P4HA1: variants seen among roughly 807,000 people sequenced by gnomAD.
P4HA1 encodes prolyl 4-hydroxylase subunit alpha-1.
Under a neutral mutation model 72.8 loss-of-function variants are expected in P4HA1, and 24 were observed. The observed-to-expected ratio is 0.33, with a 90% CI of 0.24 to 0.46. P4HA1 has a LOEUF of 0.46. Among genes scored for constraint, P4HA1 ranks in the 20% least tolerant of loss-of-function variants. The probability of loss-of-function intolerance (pLI) is 1.00; values close to 1 mark genes in which losing one functional copy is unlikely to be tolerated. For missense variants in P4HA1, 446 were observed against 640.6 expected, an observed-to-expected ratio of 0.70 and a Z score of 3.28; for synonymous variants, 201 against 218.8, an observed-to-expected ratio of 0.92 and a Z score of 0.72.
chr10:73,038,503 T>G (rs1840652955), intron 9 of P4HA1, among the ~76,000 whole-genome samples: 1 of 152,140 alleles, frequency 6.6e-6, no homozygotes, highest in South Asian at 2.1e-4. Flanking sequence ...AACTATCTTT[T>G]CAGAGCACAA....
At position 73,086,158 on chromosome 10, in the gene P4HA1, C is replaced by T. The variant is rs1198428949; in HGVS notation, c.-33+10608G>A. The stretch of plus-strand genomic sequence containing the variant: ...AAGCTGAACAGAATAACCATATGGC[C>T]CAGATATTTCACTCATAGGTCTATA... On this transcript the variant is annotated intron_variant, in intron 1 of 14. Transcript: ENST00000394890. Among the ~76,000 whole-genome samples, 5 of 152,104 alleles carry T rather than the reference C, an allele frequency of 3.3e-5. No individual in the cohort carries two copies. In the East Asian group the frequency reaches 9.6e-4, roughly 29 times the overall value.
intron 10 of P4HA1, among the ~76,000 whole-genome samples, chr10:73,020,386 C>G (rs1210845298): frequency 6.6e-6 from 1 of 151,886 alleles, no homozygotes; most frequent in Non-Finnish European, 1.5e-5. Flanking sequence ...ATAAGGAATT[C>G]TGAAATTGAA....
intron 10 of P4HA1, among the ~76,000 whole-genome samples, chr10:73,022,239 G>C (rs1339017374): frequency 6.6e-6 from 1 of 152,216 alleles, no homozygotes; most frequent in East Asian, 1.9e-4. Context: ...CCTCCCAGTA[G>C]GGGCCGACAG....
At chr10:73,095,916 CG>C (rs1361262090) in intron 1 of P4HA1, among the ~76,000 whole-genome samples, 4 of 152,160 alleles carry the variant, frequency 2.6e-5, no homozygotes, top group Non-Finnish European at 4.4e-5. Flanking sequence ...AACATACATC[CG>C]GGGGCCAGCC....
rs535488948 is a variant in P4HA1, at chr10:73,039,367, C to T, written c.1148+5614G>A. ...TGTTGCCCAGGCTGGAGTGCAGTGGCGCAATTTCAGCTCACTGCAAGCTCT... is the reference window on the plus strand; with the variant it reads ...TGTTGCCCAGGCTGGAGTGCAGTGGTGCAATTTCAGCTCACTGCAAGCTCT... On this transcript the variant is annotated intron_variant, in intron 9 of 14. Transcript: ENST00000394890. Among the ~76,000 whole-genome samples the T allele has an allele frequency of 6.6e-5, 10 of 151,840 alleles. No individual in the cohort carries two copies. The East Asian group carries it at 9.7e-4, about 15-fold the overall frequency.
intron 2 of P4HA1, among the ~76,000 whole-genome samples, chr10:73,074,603 T>G (rs1160010276): frequency 6.6e-6 from 1 of 152,152 alleles, no homozygotes; most frequent in East Asian, 1.9e-4. Flanking sequence ...GTATATGCAT[T>G]AAATTATTTT....
chr10:73,009,810 A>AT lies in P4HA1; in HGVS notation c.1530dup (p.Trp511MetfsTer5). 6.5e-7 allele frequency: 1 copy of AT among 1,548,852 alleles called. No homozygotes were observed. Among genetic ancestry groups the AT allele is most frequent in the Non-Finnish European group, 8.9e-7 (1 of 1,120,744 alleles). On this transcript the variant is annotated frameshift_variant, in exon 14 of 15. Coordinates refer to ENST00000394890, the MANE Select transcript of P4HA1 (RefSeq NM_001017962.3). LOFTEE classifies it high-confidence loss of function. ...GCAGAATATATGAAATATTTACCCC[A>AT]TTTGTTGCCAACTAGCACTGGACAG...
intron 5 of P4HA1, among the ~76,000 whole-genome samples, chr10:73,056,459 C>G (rs893366811): frequency 2.6e-5 from 4 of 151,652 alleles, no homozygotes; most frequent in Non-Finnish European, 4.4e-5. Flanking sequence ...TGGTGAAACC[C>G]TGTCTCTACT....
Position 73,065,159 on chromosome 10 carries a change from C to G in P4HA1, c.463+3687G>C, listed in dbSNP as rs1447578262. On this transcript the variant is annotated intron_variant, in intron 5 of 14. Coordinates refer to ENST00000394890, the MANE Select transcript of P4HA1 (RefSeq NM_001017962.3). ...GACCAGAAGGGTGAACATTCAACTT[C>G]CACATGAAGCAAATTGAATTTTGTA... The G allele has an allele frequency of 2.0e-5, 3 of 152,184 alleles. No homozygotes were observed. In the East Asian group the frequency reaches 5.8e-4, roughly 29 times the overall value. 9.4% of individuals were successfully genotyped at this position (152,184 alleles called of 1,614,324 possible).
intron 7 of P4HA1, among the ~76,000 whole-genome samples, chr10:73,049,700 A>G (rs1030800209): frequency 3.9e-5 from 6 of 152,248 alleles, no homozygotes; most frequent in Non-Finnish European, 8.8e-5. Flanking sequence ...AGAAATATTA[A>G]AGACAAAATC....
At chr10:73,009,712 C>A in intron 14 of P4HA1, 95 bp downstream of exon 14, 2 of 656,692 alleles carry the variant, frequency 3.0e-6, no homozygotes, top group Non-Finnish European at 2.7e-6. Context: ...TCATATTAAG[C>A]AAACATGGGG....
chr10:73,071,842 C>A (rs1004655967), intron 4 of P4HA1, among the ~76,000 whole-genome samples, 187 bp downstream of exon 4: 7 of 152,144 alleles, frequency 4.6e-5, no homozygotes, highest in African/African-American at 1.7e-4. Flanking sequence ...AAAGAAATTA[C>A]TTCTTTTTTA....
At chr10:73,019,743 A>AAAAAAAAAAAAG (rs1488509641) in intron 10 of P4HA1, among the ~76,000 whole-genome samples, 4 of 150,362 alleles carry the variant, frequency 2.7e-5, no homozygotes, top group African/African-American at 9.7e-5. Context: ...AAAAAAAAAA[A>AAAAAAAAAAAAG]AAAAGAATTC....
At chr10:73,018,138 T>TCC (rs1327421919) in intron 10 of P4HA1, among the ~76,000 whole-genome samples, 1 of 151,904 alleles carries the variant, frequency 6.6e-6, no homozygotes, top group Non-Finnish European at 1.5e-5. Flanking sequence ...TACCCACCCC[T>TCC]CCCCCAACTC....
chr10:73,051,637 C>T (rs941951247), intron 6 of P4HA1, among the ~76,000 whole-genome samples: 2 of 151,990 alleles, frequency 1.3e-5, no homozygotes, highest in Non-Finnish European at 2.9e-5. Context: ...TGGGTGCTTG[C>T]AATCCCAGCT....
intron 1 of P4HA1, 116 bp from the exon 2 acceptor site, chr10:73,075,031 G>C: frequency 1.8e-6 from 1 of 557,768 alleles, no homozygotes; most frequent in Non-Finnish European, 3.2e-6. Context: ...CCATAAAATT[G>C]ATGTTAGTTA....
At chr10:73,023,683 T>C (rs966885066) in intron 10 of P4HA1, among the ~76,000 whole-genome samples, 1 of 151,320 alleles carries the variant, frequency 6.6e-6, no homozygotes, top group African/African-American at 2.4e-5. Flanking sequence ...AATGTCCCAA[T>C]GAAAAGGCAC....
intron 1 of P4HA1, among the ~76,000 whole-genome samples, chr10:73,081,594 C>G (rs1296442738): frequency 6.6e-6 from 1 of 152,062 alleles, no homozygotes. Context: ...AAGTCCAGTC[C>G]CACAGACTCA....
intron 10 of P4HA1, among the ~76,000 whole-genome samples, chr10:73,019,555 T>G (rs916000059): frequency 6.6e-6 from 1 of 151,526 alleles, no homozygotes; most frequent in Non-Finnish European, 1.5e-5. Context: ...AATCAGAATT[T>G]CAACAAAGAA....
Sources: allele counts gnomAD v4.1 joint callset (sites outside exome capture counted in the v4.1 genomes callset), GRCh38; gene constraint gnomAD v4.1.1; transcripts MANE v1.5; gene names NCBI Gene and HGNC (gene_info 2026-07-23, HGNC 2026-07-21).